The following TPCN1 variants were observed in gnomAD, a reference collection of about 807,000 sequenced individuals.
The protein encoded by TPCN1 is two pore segment channel 1, also known as two pore channel protein 1.
TPCN1 carries 52 observed loss-of-function variants against 108.8 expected under a neutral mutation model. The ratio of observed to expected loss-of-function variants is 0.48; its 90% CI spans 0.38 to 0.60. The LOEUF is 0.60. Among genes scored for constraint, TPCN1 ranks in the 20% least tolerant of loss-of-function variants. The probability of loss-of-function intolerance (pLI) is 0.00; values close to 1 mark genes in which losing one functional copy is unlikely to be tolerated. For missense variants in TPCN1, 806 were observed against 1,072.8 expected (o/e 0.75, Z 3.47); for synonymous variants, 446 against 433.7 (o/e 1.03, Z -0.35).
At chr12:113,287,948 C>T (rs562857743) in intron 19 of TPCN1, among the ~76,000 whole-genome samples, 112 of 152,210 alleles carry the variant, frequency 7.4e-4, no homozygotes, top group African/African-American at 2.5e-3. Flanking sequence ...CCCGCCCAGC[C>T]GGTGTCCTGG....
Position 113,277,360 on chromosome 12 carries a change from C to G in TPCN1, c.1180C>G (p.Leu394Val). ...KALNQNNTPLLSLKDFYDIYE... is the reference protein window; with the variant it reads ...KALNQNNTPLVSLKDFYDIYE... ...CCTGAATCAGAACAACACACCCCTG[C>G]TCAGGTAAGAGCAGATGCCTGGTAG... Residue 394 changes from leucine (L) to valine (V), a missense_variant, in exon 12 of 28, where the codon CTC becomes GTC. Physicochemically the swap from Leu to Val is conservative, Grantham distance 32. Transcript: ENST00000335509. 6.2e-6 allele frequency: 10 copies of G among 1,614,150 alleles called. No homozygotes were observed. Among genetic ancestry groups the G allele is most frequent in the Non-Finnish European group, 8.5e-6 (10 of 1,180,022 alleles).
At chr12:113,239,103 G>C (rs559837528) in intron 2 of TPCN1, among the ~76,000 whole-genome samples, 1 of 152,148 alleles carries the variant, frequency 6.6e-6, no homozygotes, top group African/African-American at 2.4e-5. Context: ...TACTGCACTC[G>C]AGCCTGGGCA....
chr12:113,250,610 C>G (rs890624516), intron 2 of TPCN1, among the ~76,000 whole-genome samples: 5 of 152,350 alleles, frequency 3.3e-5, no homozygotes, highest in African/African-American at 7.2e-5. Flanking sequence ...GTCTGCTAAA[C>G]AAAGGAGTAG....
intron 15 of TPCN1, among the ~76,000 whole-genome samples, chr12:113,282,312 C>T (rs181862789): frequency 4.6e-5 from 7 of 151,916 alleles, no homozygotes; most frequent in South Asian, 4.2e-4. Flanking sequence ...AGGCTGGTCT[C>T]GAACTTCTGA....
chr12:113,266,505 G>A lies in TPCN1; in HGVS notation c.414+149G>A. On this transcript the variant is annotated intron_variant, in intron 4 of 27. Coordinates refer to ENST00000335509, the MANE Select transcript of TPCN1 (RefSeq NM_017901.6). The surrounding 1 kb of genome is among the most constrained non-coding windows in gnomAD (Gnocchi z 4.2). ...CGAGGTGGTCATAGAGGCCTTGGGAGCGGAAATGCCTGGGTGTCCCTGCTG... is the reference window on the plus strand; with the variant it reads ...CGAGGTGGTCATAGAGGCCTTGGGAACGGAAATGCCTGGGTGTCCCTGCTG... The A allele has an allele frequency of 9.4e-7, 1 of 1,060,768 alleles. No homozygotes were observed. The highest frequency in any genetic ancestry group is 1.4e-6 in the Non-Finnish European group (1 of 732,816). The allele number at this position is 1,060,768 out of a possible 1,614,324, so 65.7% of individuals were successfully genotyped here.
At chr12:113,237,004 A>G (rs1953924253) in intron 2 of TPCN1, among the ~76,000 whole-genome samples, 1 of 152,168 alleles carries the variant, frequency 6.6e-6, no homozygotes, top group South Asian at 2.1e-4. Flanking sequence ...GAGTGCCTAA[A>G]ATGCTGATGG....
chr12:113,294,996 A>C (rs1956379781), intron 27 of TPCN1, among the ~76,000 whole-genome samples: 1 of 152,226 alleles, frequency 6.6e-6, no homozygotes, highest in Admixed American at 6.5e-5. Flanking sequence ...CAAGAGACTC[A>C]GGCAGTGTTC....
In TPCN1 at chr12:113,296,142, G is replaced by A. The variant is rs1284523599; in HGVS notation, c.*66G>A. ...TAGTATTACTCTACTGCGATGTACGGAACTGCGGTGTGTGTACACATACTC... is the reference window on the plus strand; with the variant it reads ...TAGTATTACTCTACTGCGATGTACGAAACTGCGGTGTGTGTACACATACTC... On this transcript the variant is annotated 3_prime_UTR_variant, in exon 28 of 28. Coordinates refer to ENST00000335509, the MANE Select transcript of TPCN1 (RefSeq NM_017901.6). The A allele has an allele frequency of 1.3e-6, 2 of 1,580,018 alleles. No homozygotes were observed. The highest frequency in any genetic ancestry group is 2.3e-5 in the South Asian group (2 of 88,272).
chr12:113,241,514 C>T (rs1280953048), intron 2 of TPCN1, among the ~76,000 whole-genome samples: 5 of 152,216 alleles, frequency 3.3e-5, no homozygotes. Context: ...CTTCATGCAG[C>T]TTGAGTCTCA....
chr12:113,239,471 A>G (rs1336932976), intron 2 of TPCN1, among the ~76,000 whole-genome samples: 1 of 152,226 alleles, frequency 6.6e-6, no homozygotes, highest in African/African-American at 2.4e-5. Context: ...AAAGGCAGGG[A>G]TCATGTCTCT....
chr12:113,290,286 C>T (rs935978183), intron 22 of TPCN1, 43 bp downstream of exon 22: 1 of 1,215,186 alleles, frequency 8.2e-7, no homozygotes, highest in Non-Finnish European at 1.2e-6. Context: ...CTGGGGACCC[C>T]ACCCTTGTCA....
At chr12:113,281,729 G>C (rs1030023482) in intron 15 of TPCN1, among the ~76,000 whole-genome samples, 3 of 151,910 alleles carry the variant, frequency 2.0e-5, no homozygotes, top group Admixed American at 1.3e-4. Context: ...TGTAGAGACG[G>C]GGTAGCCTCA....
intron 2 of TPCN1, among the ~76,000 whole-genome samples, chr12:113,252,750 C>T (rs1236162562): frequency 2.0e-5 from 3 of 152,182 alleles, no homozygotes; most frequent in East Asian, 1.9e-4. Flanking sequence ...TCAGGAGTCA[C>T]GTTTTGGCTC....
chr12:113,252,368 A>C (rs745824513), intron 2 of TPCN1, among the ~76,000 whole-genome samples: 6 of 152,104 alleles, frequency 3.9e-5, no homozygotes, highest in Non-Finnish European at 7.4e-5. Flanking sequence ...GCTTTTGAGG[A>C]GGACCAGACG....
rs1005669410 is a variant in TPCN1 at position 113,232,956 on chromosome 12, C to T, written c.112+5992C>T. On this transcript the variant is annotated intron_variant, in intron 2 of 27. Coordinates refer to ENST00000335509, the MANE Select transcript of TPCN1 (RefSeq NM_017901.6). The surrounding 1 kb of genome is among the most constrained non-coding windows in gnomAD (Gnocchi z 5.6). Reference sequence around the variant, plus strand: ...CAATTAGATTTTCACAGGCTCCCACCGAGCTTGGGCATTTGGCTCCGCTGG... The same window carrying T: ...CAATTAGATTTTCACAGGCTCCCACTGAGCTTGGGCATTTGGCTCCGCTGG... Among the ~76,000 whole-genome samples the T allele has an allele frequency of 1.3e-5, 2 of 152,242 alleles. No individual in the cohort carries two copies. The highest frequency in any genetic ancestry group is 6.5e-5 in the Admixed American group (1 of 15,290).
intron 2 of TPCN1, among the ~76,000 whole-genome samples, chr12:113,245,114 A>C (rs757918018): frequency 5.9e-4 from 90 of 152,022 alleles, no homozygotes; most frequent in Non-Finnish European, 1.1e-3. Flanking sequence ...AAAAAAATAC[A>C]AAAAATTAGC....
intron 14 of TPCN1, among the ~76,000 whole-genome samples, chr12:113,279,359 GTATATATATATATATATATA>G (rs1186995627): frequency 1.6e-3 from 66 of 41,004 alleles, no homozygotes; most frequent in South Asian, 4.6e-3. Flanking sequence ...GTGTGTGTGT[GTATATATATATATATATATA>G]TATATATATA....
intron 3 of TPCN1, among the ~76,000 whole-genome samples, chr12:113,261,272 T>G (rs948435922): frequency 4.6e-5 from 7 of 152,080 alleles, no homozygotes; most frequent in African/African-American, 1.7e-4. Flanking sequence ...TGAAGAAACA[T>G]TCACCTAAGG....
rs994164635 is a variant in TPCN1 at position 113,266,830 on chromosome 12, C to T, written c.414+474C>T. Reference sequence around the variant, plus strand: ...ACAGGTGTGGAGCTGTGCTTGTCCCCTTCTCAAGGGGTGTGTGGTAGGCAT... The same window carrying T: ...ACAGGTGTGGAGCTGTGCTTGTCCCTTTCTCAAGGGGTGTGTGGTAGGCAT... On this transcript the variant is annotated intron_variant, in intron 4 of 27. Transcript: ENST00000335509. This position sits in a 1 kb window ranked among gnomAD's most constrained non-coding sequence, Gnocchi z 4.2. Among the ~76,000 whole-genome samples the T allele has an allele frequency of 1.3e-5, 2 of 152,206 alleles. No individual in the cohort carries two copies. The highest frequency in any genetic ancestry group is 2.9e-5 in the Non-Finnish European group (2 of 68,032).
Sources: allele counts gnomAD v4.1 joint callset (sites outside exome capture counted in the v4.1 genomes callset), GRCh38; gene constraint gnomAD v4.1.1; non-coding constraint Gnocchi (gnomAD v3.1); transcripts MANE v1.5; gene names NCBI Gene and HGNC (gene_info 2026-07-23, HGNC 2026-07-21).